Variants in TTC3 observed in about 807,000 individuals in gnomAD.
The protein encoded by TTC3 is tetratricopeptide repeat domain 3.
A neutral mutation model predicts 249.6 loss-of-function variants in TTC3; 180 were observed. That is an observed-to-expected ratio of 0.72 (90% CI 0.64 to 0.82). The LOEUF is 0.82. Among genes scored for constraint, TTC3 ranks in the 40% least tolerant of loss-of-function variants. The pLI, the probability that TTC3 is intolerant of heterozygous loss-of-function variation, is 0.00. For synonymous variants in TTC3, 717 were observed against 805.0 expected, an observed-to-expected ratio of 0.89 and a Z score of 1.85; for missense variants, 2,061 against 2,398.4, an observed-to-expected ratio of 0.86 and a Z score of 2.94.
intron 35 of TTC3, among the ~76,000 whole-genome samples, chr21:37,179,833 A>G (rs2082595289): frequency 6.6e-6 from 1 of 152,160 alleles, no homozygotes; most frequent in Admixed American, 6.5e-5. Context: ...GGTTGACAGC[A>G]CCTAGCTTAG....
chr21:37,074,240 G>C (rs918783618), intron 1 of TTC3, among the ~76,000 whole-genome samples: 4 of 152,246 alleles, frequency 2.6e-5, no homozygotes, highest in African/African-American at 4.8e-5. Flanking sequence ...AATGGGAAGG[G>C]GGGTGGACAG....
intron 28 of TTC3, among the ~76,000 whole-genome samples, chr21:37,158,889 G>A (rs973869119): frequency 3.9e-5 from 6 of 152,092 alleles, no homozygotes; most frequent in Admixed American, 6.5e-5. Context: ...GACCTTAGTT[G>A]TCTTTCCACA....
chr21:37,152,964 T>C, exon 27 of TTC3: 1 of 1,593,052 alleles, frequency 6.3e-7, no homozygotes, highest in Non-Finnish European at 8.6e-7. Flanking sequence ...CTGTAGACAA[T>C]GTTCAGCGTT....
At chr21:37,168,407 A>C (rs549899800) in intron 34 of TTC3, among the ~76,000 whole-genome samples, 1 of 152,166 alleles carries the variant, frequency 6.6e-6, no homozygotes, top group African/African-American at 2.4e-5. Context: ...GAAAACCTAC[A>C]CTAACCTATA....
At chr21:37,171,239 A>G (rs76857021) in intron 34 of TTC3, among the ~76,000 whole-genome samples, 6,076 of 152,252 alleles carry the variant, frequency 0.04, 322 homozygotes, top group East Asian at 0.23. Flanking sequence ...TTGACCATCA[A>G]ATGAATGTTT....
intron 34 of TTC3, among the ~76,000 whole-genome samples, chr21:37,172,219 A>G (rs932510106): frequency 1.3e-5 from 2 of 152,238 alleles, no homozygotes; most frequent in African/African-American, 2.4e-5. Context: ...TGTTCTGTTT[A>G]TATCTAAAAT....
At chr21:37,146,626 A>C (rs549196790) in intron 21 of TTC3, among the ~76,000 whole-genome samples, 1 of 152,196 alleles carries the variant, frequency 6.6e-6, no homozygotes, top group South Asian at 2.1e-4. Flanking sequence ...GTCCATTCCT[A>C]TGAAATCTCC....
At chr21:37,152,409 C>T (rs1385979479) in intron 26 of TTC3, among the ~76,000 whole-genome samples, 83 of 135,694 alleles carry the variant, frequency 6.1e-4, no homozygotes, top group Non-Finnish European at 1.9e-4. Flanking sequence ...TTTTTTGAGA[C>T]GGAGTCTCAC....
At chr21:37,135,845 C>T (rs977253487) in intron 18 of TTC3, among the ~76,000 whole-genome samples, 13 of 152,196 alleles carry the variant, frequency 8.5e-5, no homozygotes, top group African/African-American at 3.1e-4. Context: ...TTATGCTTTG[C>T]TTTATTGTAC....
intron 35 of TTC3, among the ~76,000 whole-genome samples, chr21:37,176,037 C>T (rs2148125592): frequency 6.6e-6 from 1 of 152,298 alleles, no homozygotes; most frequent in Admixed American, 6.5e-5. Context: ...TCCCAAAGTG[C>T]TGGGAAGGCA....
chr21:37,090,381 T>TGCAAGG, intron 6 of TTC3, 95 bp downstream of exon 6: 2 of 1,170,860 alleles, frequency 1.7e-6, no homozygotes, highest in South Asian at 1.4e-5. Flanking sequence ...ATACACTCAA[T>TGCAAGG]GTTCTATATG....
At chr21:37,076,887 G>T (rs1165269985) in intron 1 of TTC3, among the ~76,000 whole-genome samples, 1 of 151,774 alleles carries the variant, frequency 6.6e-6, no homozygotes, top group Non-Finnish European at 1.5e-5. Flanking sequence ...TTTTAGTAGA[G>T]ACGGGATTTC....
intron 10 of TTC3, among the ~76,000 whole-genome samples, chr21:37,102,394 A>G (rs895597108): frequency 6.6e-6 from 1 of 152,216 alleles, no homozygotes; most frequent in African/African-American, 2.4e-5. Context: ...GGTATGGTTT[A>G]AGAGAGTCAA....
chr21:37,141,415 C>G (rs913766715), intron 20 of TTC3, among the ~76,000 whole-genome samples: 4 of 151,578 alleles, frequency 2.6e-5, no homozygotes, highest in Non-Finnish European at 5.9e-5. Flanking sequence ...TGGGGAATCC[C>G]CCCCCCAGCC....
intron 10 of TTC3, among the ~76,000 whole-genome samples, chr21:37,104,704 TG>T (rs2074907129): frequency 6.6e-6 from 1 of 151,710 alleles, no homozygotes; most frequent in Non-Finnish European, 1.5e-5. Flanking sequence ...ATGGGAAACA[TG>T]TTTGGAATAG....
intron 16 of TTC3, 136 bp downstream of exon 16, chr21:37,129,199 C>T (rs190273498): frequency 4.4e-6 from 2 of 451,282 alleles, no homozygotes; most frequent in African/African-American, 4.1e-5. Context: ...TTTCAAATAT[C>T]AAAAGCATAT....
chr21:37,169,289 A>G (rs2081520558), intron 34 of TTC3, among the ~76,000 whole-genome samples: 1 of 152,196 alleles, frequency 6.6e-6, no homozygotes, highest in African/African-American at 2.4e-5. Context: ...GTGCAACTAA[A>G]TATCAAAACA....
chr21:37,079,634 C>T (rs1195324617), intron 1 of TTC3, among the ~76,000 whole-genome samples: 15 of 146,386 alleles, frequency 1.0e-4, no homozygotes, highest in East Asian at 6.1e-4. Flanking sequence ...TGAGTTCAAG[C>T]GATTCTCCTG....
At chr21:37,087,168 T>A in intron 1 of TTC3, 79 bp from the exon 2 acceptor site, 1 of 1,495,112 alleles carries the variant, frequency 6.7e-7, no homozygotes, top group Non-Finnish European at 9.1e-7. Context: ...TTTTCTAATA[T>A]ACCATAGAAG....
Sources: gnomAD v4.1 joint callset for allele counts (sites outside exome capture counted in the v4.1 genomes callset) on GRCh38, gnomAD v4.1.1 for gene constraint, MANE v1.5 for transcripts, NCBI Gene and HGNC (gene_info 2026-07-23, HGNC 2026-07-21) for gene names.